THRSP: variants seen among roughly 807,000 people sequenced by gnomAD.
THRSP encodes the protein thyroid hormone responsive.
A neutral mutation model predicts 11.1 loss-of-function variants in THRSP; 9 were observed. The ratio of observed to expected loss-of-function variants is 0.81; its 90% CI spans 0.49 to 1.42. THRSP has a LOEUF of 1.42. Among genes scored for constraint, THRSP ranks in the 40% most tolerant of loss-of-function variants. The probability of loss-of-function intolerance (pLI) is 0.00; values close to 1 mark genes in which losing one functional copy is unlikely to be tolerated. For synonymous variants in THRSP, 73 were observed against 78.1 expected, an observed-to-expected ratio of 0.94 and a Z score of 0.34; for missense variants, 177 against 188.2, an observed-to-expected ratio of 0.94 and a Z score of 0.35.
At chr11:78,067,107 G>T (rs188132253) in intron 1 of THRSP, among the ~76,000 whole-genome samples, 2 of 143,716 alleles carry the variant, frequency 1.4e-5, no homozygotes, top group Non-Finnish European at 3.0e-5. Context: ...TTACAGGCGT[G>T]AGCCACCGCA....
rs771792050 is a variant in THRSP, at chr11:78,064,308, G to A, written c.427G>A (p.Gly143Arg). ...GACAAGGAAATACCAGGAAATGACG[G>A]GACAAGTTTGGTAGACCTTGGACAC... ...EVTRKYQEMT[G>R]QVW Residue 143 changes from glycine (G) to arginine (R), a missense_variant, in exon 1 of 2, where the codon GGA (glycine) becomes AGA (arginine). By Grantham distance (125) the Gly-to-Arg change is moderately radical. Coordinates refer to ENST00000281030, the MANE Select transcript of THRSP (RefSeq NM_003251.4). 1.1e-5 allele frequency: 17 copies of A among 1,610,406 alleles called. No individual in the cohort carries two copies. Among genetic ancestry groups the A allele is most frequent in the Non-Finnish European group, 1.4e-5 (16 of 1,177,976 alleles).
intron 1 of THRSP, among the ~76,000 whole-genome samples, 182 bp downstream of exon 1, chr11:78,064,523 C>G (rs1858676452): frequency 6.6e-6 from 1 of 152,140 alleles, no homozygotes; most frequent in African/African-American, 2.4e-5. Flanking sequence ...TACTATCCTT[C>G]TGACCTCAAA....
chr11:78,068,173 CCT>C lies in THRSP; in HGVS notation c.*538_*539del, dbSNP rs1388690232. The C allele has an allele frequency of 1.3e-5, 2 of 151,724 alleles. No homozygotes were observed. 9.4% of individuals were successfully genotyped at this position (151,724 alleles called of 1,614,324 possible). A position where few individuals can be genotyped will look rare whatever the true frequency, so the allele number is the denominator to read the frequency against. On this transcript the variant is annotated 3_prime_UTR_variant, in exon 2 of 2. Transcript: ENST00000281030. ...AATAGCCTGATTTTTTTTTTCTCCC[CCT>C]CTCCCCAATGTATTTGCTCTGGCCC...
chr11:78,067,808 T>A lies in THRSP; in HGVS notation c.*169T>A, dbSNP rs1858809652. On this transcript the variant is annotated 3_prime_UTR_variant, in exon 2 of 2. Transcript: ENST00000281030. ...GCTTCTCTACCTCCTGAGCACCAAT[T>A]CCTGGATTCCAGTCACTGGCTCACC... 6.6e-6 allele frequency: 1 copy of A among 152,200 alleles called. No homozygotes were observed. The highest frequency in any genetic ancestry group is 2.4e-5 in the African/African-American group (1 of 41,418). The allele number at this position is 152,200 out of a possible 1,614,324, so 9.4% of individuals were successfully genotyped here.
At chr11:78,064,573 A>T (rs1858677620) in intron 1 of THRSP, among the ~76,000 whole-genome samples, 1 of 152,194 alleles carries the variant, frequency 6.6e-6, no homozygotes, top group South Asian at 2.1e-4. Flanking sequence ...CAGAGGGAAA[A>T]GTGGCCTGTG....
Position 78,064,261 on chromosome 11 carries a change from T to A in THRSP, c.380T>A (p.Leu127His), listed in dbSNP as rs1858666014. The A allele has an allele frequency of 6.2e-7, 1 of 1,612,932 alleles. No individual in the cohort carries two copies. Among genetic ancestry groups the A allele is most frequent in the East Asian group, 2.2e-5 (1 of 44,832 alleles). The change falls in exon 1 of 2, where the codon CTC (leucine) becomes CAC (histidine). Residue 127 changes from leucine to histidine, a missense_variant. Leu to His is a moderately conservative substitution (Grantham distance 99). Coordinates refer to ENST00000281030, the MANE Select transcript of THRSP (RefSeq NM_003251.4). ...FSSLHHILMH[L>H]TEKAQEVTRK... ...AGCCTCCATCACATCCTCATGCACC[T>A]CACCGAGAAAGCCCAGGAGGTGACA... is the stretch of plus-strand genomic sequence containing the variant.
At chr11:78,066,290 A>T (rs1367575237) in intron 1 of THRSP, among the ~76,000 whole-genome samples, 2 of 152,074 alleles carry the variant, frequency 1.3e-5, no homozygotes, top group Non-Finnish European at 2.9e-5. Flanking sequence ...CAGCTTCCAA[A>T]GTAGCTGGGA....
intron 1 of THRSP, among the ~76,000 whole-genome samples, chr11:78,065,598 G>A (rs1858714954): frequency 6.6e-6 from 1 of 152,198 alleles, no homozygotes; most frequent in Non-Finnish European, 1.5e-5. Flanking sequence ...ATGCAGCTAT[G>A]TAGGAAAAGA....
At chr11:78,065,023 A>G (rs532961912) in intron 1 of THRSP, among the ~76,000 whole-genome samples, 2 of 151,576 alleles carry the variant, frequency 1.3e-5, no homozygotes, top group South Asian at 2.1e-4. Context: ...AGGCATGCAC[A>G]TTGATTTAAG....
Position 78,067,616 on chromosome 11 carries a change from A to C in THRSP, c.*20-43A>C, listed in dbSNP as rs1590769610. On this transcript the variant is annotated intron_variant, in intron 1 of 1. Transcript: ENST00000281030. ...ATGTGACAGTATCTTGGTTGTTTGA[A>C]TTGATACTGACTTGGCCTTTTAAAA... 3 of 152,344 alleles carry C rather than the reference A, an allele frequency of 2.0e-5. No individual in the cohort carries two copies. In the South Asian group the frequency reaches 6.2e-4, roughly 32 times the overall value. 9.4% of individuals were successfully genotyped at this position (152,344 alleles called of 1,614,324 possible).
At chr11:78,066,683 A>G (rs1338474368) in intron 1 of THRSP, among the ~76,000 whole-genome samples, 1 of 152,184 alleles carries the variant, frequency 6.6e-6, no homozygotes, top group Non-Finnish European at 1.5e-5. Context: ...TGACTCACTC[A>G]GTTGCTTCAA....
At chr11:78,064,407 G>A (rs1042628225) in intron 1 of THRSP, 66 bp downstream of exon 1, 2 of 1,401,670 alleles carry the variant, frequency 1.4e-6, no homozygotes, top group Non-Finnish European at 1.9e-6. Flanking sequence ...AGAGGGGGCA[G>A]TGGTGCAACC....
intron 1 of THRSP, among the ~76,000 whole-genome samples, chr11:78,066,576 C>A (rs1193822170): frequency 6.6e-6 from 1 of 152,188 alleles, no homozygotes; most frequent in Non-Finnish European, 1.5e-5. Context: ...TAGTCTAATT[C>A]TTTTCCTCTA....
At chr11:78,067,458 C>CTGTT (rs1485063500) in intron 1 of THRSP, among the ~76,000 whole-genome samples, 1 of 152,202 alleles carries the variant, frequency 6.6e-6, no homozygotes, top group East Asian at 1.9e-4. Flanking sequence ...ATCTGTTTCC[C>CTGTT]TGTTAGTAAA....
intron 1 of THRSP, among the ~76,000 whole-genome samples, chr11:78,067,246 C>G (rs373017452): frequency 6.6e-6 from 1 of 151,994 alleles, no homozygotes; most frequent in Non-Finnish European, 1.5e-5. Context: ...CTCAGCCTCC[C>G]GAGTAGCTGG....
In THRSP at chr11:78,068,132, A is replaced by G. The variant is rs565283112; in HGVS notation, c.*493A>G. The G allele has an allele frequency of 5.3e-5, 8 of 152,306 alleles. No individual in the cohort carries two copies. The East Asian group carries it at 1.4e-3, about 26-fold the overall frequency. The allele number at this position is 152,306 out of a possible 1,614,324, so 9.4% of individuals were successfully genotyped here. The stretch of plus-strand genomic sequence containing the variant: ...ACATGATGAATCAAAAGCACTTGGC[A>G]TGTGAGGGCTATTAAAATAGCCTGA... On this transcript the variant is annotated 3_prime_UTR_variant, in exon 2 of 2. Coordinates refer to ENST00000281030, the MANE Select transcript of THRSP (RefSeq NM_003251.4).
rs1207408701 is a variant in THRSP at position 78,067,812 on chromosome 11, G to C, written c.*173G>C. On this transcript the variant is annotated 3_prime_UTR_variant, in exon 2 of 2. Coordinates refer to ENST00000281030, the MANE Select transcript of THRSP (RefSeq NM_003251.4). ...CTCTACCTCCTGAGCACCAATTCCT[G>C]GATTCCAGTCACTGGCTCACCTTTA... is the stretch of plus-strand genomic sequence containing the variant. 1.3e-5 allele frequency: 2 copies of C among 152,192 alleles called. No homozygotes were observed. Among genetic ancestry groups the C allele is most frequent in the East Asian group, 1.9e-4 (1 of 5,196 alleles). The allele number at this position is 152,192 out of a possible 1,614,324, so 9.4% of individuals were successfully genotyped here.
chr11:78,065,811 G>A (rs1345588785), intron 1 of THRSP, among the ~76,000 whole-genome samples: 1 of 152,124 alleles, frequency 6.6e-6, no homozygotes, highest in Non-Finnish European at 1.5e-5. Flanking sequence ...AATAAACATG[G>A]GACCCCCAAA....
At chr11:78,064,429 GA>G in intron 1 of THRSP, 88 bp downstream of exon 1, 1 of 1,159,610 alleles carries the variant, frequency 8.6e-7, no homozygotes, top group Non-Finnish European at 1.2e-6. Context: ...ACTGGGAGAG[GA>G]ACAGCCTGAC....
Sources: allele counts gnomAD v4.1 joint callset (sites outside exome capture counted in the v4.1 genomes callset), GRCh38; gene constraint gnomAD v4.1.1; transcripts MANE v1.5; gene names NCBI Gene and HGNC (gene_info 2026-07-23, HGNC 2026-07-21).